The following NHSL2 variants were observed in gnomAD, a reference collection of about 807,000 sequenced individuals.
NHSL2 encodes NHS like 2.
Under a neutral mutation model 53.4 loss-of-function variants are expected in NHSL2, and 27 were observed. The ratio of observed to expected loss-of-function variants is 0.51; its 90% CI spans 0.37 to 0.70. The LOEUF is 0.70. NHSL2 is among the 30% of genes least tolerant of loss of function. The pLI is 0.00. For missense variants in NHSL2, 892 were observed against 980.1 expected (o/e 0.91, Z 1.20); for synonymous variants, 408 against 404.1 (o/e 1.01, Z -0.12).
intron 1 of NHSL2, among the ~76,000 whole-genome samples, chrX:72,049,700 C>T (rs1178682420): frequency 2.8e-5 from 3 of 108,105 alleles, no homozygotes; most frequent in Non-Finnish European, 3.8e-5. Context: ...TCCAGGCCCC[C>T]GGTTCTTACC....
chrX:72,003,347 C>T (rs776581555), intron 1 of NHSL2, among the ~76,000 whole-genome samples: 27 of 111,554 alleles, frequency 2.4e-4, no homozygotes, highest in Non-Finnish European at 4.7e-4. Flanking sequence ...CTATCCCTTC[C>T]AGCCACCACC....
At chrX:72,120,356 A>G (rs1337423413) in intron 1 of NHSL2, among the ~76,000 whole-genome samples, 1 of 112,323 alleles carries the variant, frequency 8.9e-6, no homozygotes, top group Non-Finnish European at 1.9e-5. Context: ...GATTACTACT[A>G]ATTCAACCTC....
chrX:72,013,709 A>AAT (rs1331758027), intron 1 of NHSL2, among the ~76,000 whole-genome samples: 1 of 110,291 alleles, frequency 9.1e-6, no homozygotes, highest in African/African-American at 3.3e-5. Flanking sequence ...TCCAGAAAAA[A>AAT]ATATATATAT....
chrX:72,096,536 T>C (rs1221631982), intron 1 of NHSL2, among the ~76,000 whole-genome samples: 2 of 112,396 alleles, frequency 1.8e-5, no homozygotes, highest in Admixed American at 9.4e-5. Flanking sequence ...GGATAATATA[T>C]GGCATTCTAG....
At chrX:72,070,028 A>G (rs2042457851) in intron 1 of NHSL2, among the ~76,000 whole-genome samples, 1 of 112,291 alleles carries the variant, frequency 8.9e-6, no homozygotes, top group Non-Finnish European at 1.9e-5. Flanking sequence ...AGAAGTGAGC[A>G]GCGTGCCAGT....
chrX:71,997,436 C>T (rs1352903674), intron 1 of NHSL2, among the ~76,000 whole-genome samples: 5 of 112,596 alleles, frequency 4.4e-5, no homozygotes, highest in Non-Finnish European at 9.4e-5. Context: ...CTGCCCTCCA[C>T]ACGTCCTCTG....
intron 1 of NHSL2, 26 bp downstream of exon 1, chrX:71,911,393 C>T (rs2147804399): frequency 1.9e-6 from 2 of 1,037,422 alleles, no homozygotes; most frequent in East Asian, 7.8e-5. Flanking sequence ...CGGTGGCTCG[C>T]GGCCCCGCGT....
chrX:72,110,815 T>A (rs1602377040), intron 1 of NHSL2, among the ~76,000 whole-genome samples: 1 of 103,195 alleles, frequency 9.7e-6, no homozygotes, highest in African/African-American at 3.6e-5. Context: ...GGCCATGGCC[T>A]CCTCAGCACA....
intron 1 of NHSL2, among the ~76,000 whole-genome samples, chrX:71,950,561 G>A (rs2041815689): frequency 8.9e-6 from 1 of 112,498 alleles, no homozygotes; most frequent in African/African-American, 3.2e-5. Context: ...GGCTGTTTCA[G>A]GGAGAAGCCC....
chrX:71,972,327 G>A lies in NHSL2; in HGVS notation c.280+60960G>A, dbSNP rs780016358. Among the ~76,000 whole-genome samples, 51 of 112,040 alleles carry A rather than the reference G, an allele frequency of 4.6e-4. No individual in the cohort carries two copies. The South Asian group carries it at 0.018, about 40-fold the overall frequency. ...TGGGATTAAAGGCATGAGCCACCGC[G>A]CCCGGCCTATTTTGCTTTCATTTTT... On this transcript the variant is annotated intron_variant, in intron 1 of 7. Coordinates refer to ENST00000633930, the MANE Select transcript of NHSL2 (RefSeq NM_001013627.3).
intron 1 of NHSL2, chrX:72,131,339 TCTC>T (rs777050838): frequency 8.3e-7 from 1 of 1,203,283 alleles, no homozygotes; most frequent in African/African-American, 1.8e-5. Flanking sequence ...AACTCCAAGT[TCTC>T]CTCCGCAAGG....
intron 1 of NHSL2, among the ~76,000 whole-genome samples, chrX:72,017,039 A>G (rs1403704172): frequency 9.0e-6 from 1 of 111,629 alleles, no homozygotes; most frequent in African/African-American, 3.3e-5. Flanking sequence ...AGAAATTAGG[A>G]GTGGCCCCTG....
chrX:71,948,879 G>A (rs1463947045), intron 1 of NHSL2, among the ~76,000 whole-genome samples: 1 of 96,184 alleles, frequency 1.0e-5, no homozygotes, highest in Non-Finnish European at 2.0e-5. Context: ...CAAGTTCTCT[G>A]TCACACAGGC....
At chrX:72,126,247 G>C (rs1450534703) in intron 1 of NHSL2, among the ~76,000 whole-genome samples, 1 of 111,738 alleles carries the variant, frequency 8.9e-6, no homozygotes, top group African/African-American at 3.3e-5. Context: ...TGGAGGCAGG[G>C]GGGGTAGGAC....
intron 2 of NHSL2, 23 bp from the exon 3 acceptor site, chrX:72,134,068 G>C: frequency 8.6e-7 from 1 of 1,165,487 alleles, no homozygotes; most frequent in Non-Finnish European, 1.1e-6. Flanking sequence ...TAGAGTGTGT[G>C]TCTCCACTGT....
chrX:71,978,304 G>C (rs1223993953), intron 1 of NHSL2, among the ~76,000 whole-genome samples: 2 of 111,914 alleles, frequency 1.8e-5, no homozygotes, highest in African/African-American at 6.5e-5. Flanking sequence ...GCCTTTATAA[G>C]GGAATCTTGG....
At chrX:72,090,677 T>C (rs960947292) in intron 1 of NHSL2, among the ~76,000 whole-genome samples, 1 of 110,306 alleles carries the variant, frequency 9.1e-6, no homozygotes, top group African/African-American at 3.3e-5. Context: ...TAACCCCCCA[T>C]CCCCACTTTA....
Position 72,134,166 on chromosome X carries a change from C to T in NHSL2, c.512C>T (p.Pro171Leu). The change falls in exon 3 of 8, where the codon CCC becomes CTC. Residue 171 changes from proline to leucine, a missense_variant. Coordinates refer to ENST00000633930, the MANE Select transcript of NHSL2 (RefSeq NM_001013627.3). ...CGCTCTTCTGATGAGGCCACTAAGC[C>T]CACCCCCAACCCAAGGCCCCAGTCT... Reference protein sequence around the residue: ...TFRSSDEATKPTPNPRPQSAR... With the variant: ...TFRSSDEATKLTPNPRPQSAR... 3 of 1,167,023 alleles carry T rather than the reference C, an allele frequency of 2.6e-6. No homozygotes were observed. Among genetic ancestry groups the T allele is most frequent in the Non-Finnish European group, 3.4e-6 (3 of 871,886 alleles).
Position 72,149,150 on chromosome X carries a change from C to T in NHSL2, c.*5576C>T, listed in dbSNP as rs2042490310. 1.8e-5 allele frequency: 2 copies of T among 109,400 alleles called. No homozygotes were observed. The highest frequency in any genetic ancestry group is 3.8e-5 in the Non-Finnish European group (2 of 52,621). The allele number at this position is 109,400 out of a possible 1,213,427, so 9.0% of individuals were successfully genotyped here. ...CATATTGGATCAACAAATTGCTCAACCTGCAAAATCTTTGATTAGACTTAG... is the reference window on the plus strand; with the variant it reads ...CATATTGGATCAACAAATTGCTCAATCTGCAAAATCTTTGATTAGACTTAG... On this transcript the variant is annotated 3_prime_UTR_variant, in exon 8 of 8. Coordinates refer to ENST00000633930, the MANE Select transcript of NHSL2 (RefSeq NM_001013627.3).
Sources: allele counts gnomAD v4.1 joint callset (sites outside exome capture counted in the v4.1 genomes callset), GRCh38; gene constraint gnomAD v4.1.1; transcripts MANE v1.5; gene names NCBI Gene and HGNC (gene_info 2026-07-23, HGNC 2026-07-21).